HECW1: variants seen among roughly 807,000 people sequenced by gnomAD.
HECW1 encodes the protein HECT, C2 and WW domain containing E3 ubiquitin protein ligase 1, also known as E3 ubiquitin-protein ligase HECW1.
A neutral mutation model predicts 182.3 loss-of-function variants in HECW1; 61 were observed. The ratio of observed to expected loss-of-function variants is 0.33; its 90% confidence interval spans 0.27 to 0.41. The LOEUF is 0.41. HECW1 is among the 10% of genes least tolerant of loss of function. The pLI, the probability that HECW1 is intolerant of heterozygous loss-of-function variation, is 1.00. For synonymous variants in HECW1, 859 were observed against 832.6 expected (o/e 1.03, Z -0.55); for missense variants, 1,739 against 2,108.9 (o/e 0.82, Z 3.44).
chr7:43,469,036 C>T lies in HECW1; in HGVS notation c.3030C>T (p.Ile1010=). ...YQHNRDLVNF[I]NMFADTRLEL... ...ACAACCGGGACTTGGTGAATTTCATCAACATGTTCGCAGACACTCGGCTGG... is the reference window on the plus strand; with the variant it reads ...ACAACCGGGACTTGGTGAATTTCATTAACATGTTCGCAGACACTCGGCTGG... The change falls in exon 16 of 30, where the codon ATC becomes ATT. Residue 1010 remains isoleucine, a synonymous_variant. Coordinates refer to ENST00000395891, the MANE Select transcript of HECW1 (RefSeq NM_015052.5). 6.2e-7 allele frequency: 1 copy of T among 1,614,200 alleles called. No homozygotes were observed. Among genetic ancestry groups the T allele is most frequent in the Non-Finnish European group, 8.5e-7 (1 of 1,180,044 alleles).
intron 7 of HECW1, among the ~76,000 whole-genome samples, chr7:43,400,219 G>A (rs1181194854): frequency 6.6e-6 from 1 of 152,186 alleles, no homozygotes; most frequent in Non-Finnish European, 1.5e-5. Flanking sequence ...CTGGGCAACA[G>A]AGCAAGACCC....
rs555447264 is a variant in HECW1 at position 43,508,656 on chromosome 7, G to A, written c.3867-313G>A. On this transcript the variant is annotated intron_variant, in intron 23 of 29. Transcript: ENST00000395891. ...ATTCTTTTATGTGTCCCACAACAAAGGCCTTGTATTCAATGGGCCAGCTGT... is the reference window on the plus strand; with the variant it reads ...ATTCTTTTATGTGTCCCACAACAAAAGCCTTGTATTCAATGGGCCAGCTGT... 44 of 357,272 alleles carry A rather than the reference G, an allele frequency of 1.2e-4. No homozygotes were observed. The South Asian group carries it at 1.9e-3, about 16-fold the overall frequency. The allele number at this position is 357,272 out of a possible 1,614,324, so 22.1% of individuals were successfully genotyped here.
chr7:43,402,814 A>G (rs1315916415), intron 7 of HECW1, among the ~76,000 whole-genome samples: 1 of 152,248 alleles, frequency 6.6e-6, no homozygotes, highest in African/African-American at 2.4e-5. Flanking sequence ...GTCTATTTAT[A>G]CTTCCTGTTT....
At chr7:43,369,085 G>A (rs1275405229) in intron 6 of HECW1, among the ~76,000 whole-genome samples, 1 of 152,160 alleles carries the variant, frequency 6.6e-6, no homozygotes, top group Non-Finnish European at 1.5e-5. Flanking sequence ...GCACTCATCA[G>A]ATAAACAGGG....
At chr7:43,383,744 T>C (rs1370200514) in intron 6 of HECW1, among the ~76,000 whole-genome samples, 1 of 152,182 alleles carries the variant, frequency 6.6e-6, no homozygotes, top group Non-Finnish European at 1.5e-5. Flanking sequence ...CAATCCCCCA[T>C]GCAGTCAAAC....
At chr7:43,181,052 A>G (rs978188353) in intron 2 of HECW1, among the ~76,000 whole-genome samples, 1 of 151,780 alleles carries the variant, frequency 6.6e-6, no homozygotes, top group Admixed American at 6.6e-5. Context: ...CTCTTCTTCT[A>G]TGAGATCAAC....
At chr7:43,189,552 C>T (rs1390135001) in intron 2 of HECW1, among the ~76,000 whole-genome samples, 1 of 152,014 alleles carries the variant, frequency 6.6e-6, no homozygotes, top group East Asian at 1.9e-4. Flanking sequence ...GAAGCTGCTT[C>T]TTCTCATAAA....
intron 17 of HECW1, among the ~76,000 whole-genome samples, chr7:43,490,867 C>T (rs562978798): frequency 3.3e-5 from 5 of 152,120 alleles, no homozygotes; most frequent in African/African-American, 4.8e-5. Flanking sequence ...AAGGGATTCT[C>T]GTGCCTCAGC....
chr7:43,265,773 G>A (rs1370971906), intron 3 of HECW1, among the ~76,000 whole-genome samples: 1 of 152,142 alleles, frequency 6.6e-6, no homozygotes, highest in Non-Finnish European at 1.5e-5. Flanking sequence ...CGAAAACAGG[G>A]TTCCCAGGAT....
chr7:43,341,682 A>G (rs780869776), intron 5 of HECW1, among the ~76,000 whole-genome samples: 5 of 151,792 alleles, frequency 3.3e-5, no homozygotes, highest in Admixed American at 6.5e-5. Context: ...TTTTCCAGTT[A>G]TTTTAAAATT....
intron 24 of HECW1, among the ~76,000 whole-genome samples, chr7:43,536,111 C>T (rs1359096893): frequency 6.6e-6 from 1 of 152,164 alleles, no homozygotes; most frequent in Non-Finnish European, 1.5e-5. Context: ...GAGACTTGGA[C>T]TTCATTGATC....
At chr7:43,198,261 TCACA>T (rs1423773388) in intron 2 of HECW1, among the ~76,000 whole-genome samples, 3 of 134,458 alleles carry the variant, frequency 2.2e-5, no homozygotes, top group Admixed American at 2.2e-4. Flanking sequence ...ACACACCCAC[TCACA>T]CACACCCCAC....
chr7:43,192,120 C>T (rs184829885), intron 2 of HECW1, among the ~76,000 whole-genome samples: 22 of 152,134 alleles, frequency 1.4e-4, no homozygotes, highest in African/African-American at 4.3e-4. Context: ...CCACCACACC[C>T]GGCTAATTTT....
intron 3 of HECW1, chr7:43,258,414 C>T (rs1800819059): frequency 6.6e-6 from 1 of 151,782 alleles, no homozygotes; most frequent in Non-Finnish European, 1.5e-5. Context: ...GTGGAGCTAG[C>T]ATTCAAACCC....
At chr7:43,145,955 C>T (rs1185035459) in intron 2 of HECW1, among the ~76,000 whole-genome samples, 6 of 152,132 alleles carry the variant, frequency 3.9e-5, no homozygotes, top group Non-Finnish European at 7.4e-5. Context: ...CAGTGGTATG[C>T]GGTGAGAAGA....
At position 43,496,541 on chromosome 7, in the gene HECW1, C is replaced by T. The variant is rs545381332; in HGVS notation, c.3437+3361C>T. Among the ~76,000 whole-genome samples, 72 of 152,244 alleles carry T rather than the reference C, an allele frequency of 4.7e-4. 2 individuals carry two copies. In the South Asian group the frequency reaches 0.015, roughly 31 times the overall value. ...ATCCACCTGCCCCTGAGTGCCATGT[C>T]AGGGTGAGTCAGATCCACTTTGAAG... On this transcript the variant is annotated intron_variant, in intron 19 of 29. Coordinates refer to ENST00000395891, the MANE Select transcript of HECW1 (RefSeq NM_015052.5).
intron 2 of HECW1, among the ~76,000 whole-genome samples, chr7:43,137,988 G>A (rs1415495807): frequency 6.6e-6 from 1 of 151,120 alleles, no homozygotes; most frequent in African/African-American, 2.4e-5. Flanking sequence ...TAAGAGACAT[G>A]CACATTTGGA....
intron 4 of HECW1, among the ~76,000 whole-genome samples, chr7:43,313,572 G>T (rs1195942492): frequency 6.6e-6 from 1 of 152,164 alleles, no homozygotes; most frequent in African/African-American, 2.4e-5. Context: ...CCCGACCTCA[G>T]GTGATCCACC....
intron 2 of HECW1, among the ~76,000 whole-genome samples, chr7:43,142,136 T>C (rs1788219821): frequency 6.6e-6 from 1 of 152,042 alleles, no homozygotes; most frequent in African/African-American, 2.4e-5. Flanking sequence ...CTGATGGAGG[T>C]GTGGGATGCC....
Sources: allele counts gnomAD v4.1 joint callset (sites outside exome capture counted in the v4.1 genomes callset), GRCh38; gene constraint gnomAD v4.1.1; transcripts MANE v1.5; gene names NCBI Gene and HGNC (gene_info 2026-07-23, HGNC 2026-07-21).